Variants in DNAJC1 observed in about 807,000 individuals in gnomAD.
DNAJC1 encodes the protein dnaJ homolog subfamily C member 1.
In DNAJC1, 58 loss-of-function variants were observed where a neutral mutation model predicts 76.6. The ratio of observed to expected loss-of-function variants is 0.76; its 90% CI spans 0.61 to 0.94. DNAJC1 has a LOEUF of 0.94. DNAJC1 is among the 40% of genes least tolerant of loss of function. The probability of loss-of-function intolerance (pLI) is 0.00; values close to 1 mark genes in which losing one functional copy is unlikely to be tolerated. For synonymous variants in DNAJC1, 258 were observed against 267.9 expected (o/e 0.96, Z 0.36); for missense variants, 689 against 677.3 (o/e 1.02, Z -0.19).
At chr10:21,795,256 T>C (rs1037289474) in intron 9 of DNAJC1, among the ~76,000 whole-genome samples, 1 of 152,188 alleles carries the variant, frequency 6.6e-6, no homozygotes, top group African/African-American at 2.4e-5. Flanking sequence ...AAATGACCAA[T>C]TAGTATAGAA....
chr10:21,803,467 T>C (rs1230104636), intron 9 of DNAJC1, among the ~76,000 whole-genome samples: 1 of 152,144 alleles, frequency 6.6e-6, no homozygotes, highest in Non-Finnish European at 1.5e-5. Context: ...TAACTTTCAC[T>C]TAACATTATA....
intron 8 of DNAJC1, among the ~76,000 whole-genome samples, chr10:21,830,481 CTTTGT>C (rs1424687742): frequency 6.6e-6 from 1 of 151,658 alleles, no homozygotes; most frequent in African/African-American, 2.4e-5. Context: ...ACTGGCGTTC[CTTTGT>C]TTTCTCTCTG....
At chr10:21,757,999 A>G (rs991233914) in intron 11 of DNAJC1, among the ~76,000 whole-genome samples, 3 of 152,236 alleles carry the variant, frequency 2.0e-5, no homozygotes, top group Non-Finnish European at 4.4e-5. Flanking sequence ...GACAGATGCT[A>G]GAGAAATTCG....
At position 21,809,997 on chromosome 10, in the gene DNAJC1, T is replaced by C. The variant is rs548759003; in HGVS notation, c.979-3898A>G. On this transcript the variant is annotated intron_variant, in intron 8 of 11. Coordinates refer to ENST00000376980, the MANE Select transcript of DNAJC1 (RefSeq NM_022365.4). ...GGAATGGGGGAGTCTGTTGTCTCTC[T>C]TCCTCTTCTTTTAAGAATACCAATA... Among the ~76,000 whole-genome samples the C allele has an allele frequency of 2.8e-4, 42 of 152,096 alleles. No individual in the cohort carries two copies. The South Asian group carries it at 8.1e-3, about 29-fold the overall frequency.
At chr10:21,878,081 C>A (rs1370023550) in intron 8 of DNAJC1, among the ~76,000 whole-genome samples, 3 of 152,118 alleles carry the variant, frequency 2.0e-5, no homozygotes, top group African/African-American at 7.2e-5. Flanking sequence ...ACTTATAAAG[C>A]AATTCAATTT....
intron 9 of DNAJC1, among the ~76,000 whole-genome samples, chr10:21,777,496 G>A (rs746171484): frequency 1.6e-4 from 24 of 152,134 alleles, no homozygotes; most frequent in Non-Finnish European, 2.2e-4. Context: ...AATCACTTAG[G>A]AGCATAGCCA....
chr10:21,953,504 C>T (rs1474282306), intron 1 of DNAJC1, among the ~76,000 whole-genome samples: 1 of 151,378 alleles, frequency 6.6e-6, no homozygotes, highest in Non-Finnish European at 1.5e-5. Flanking sequence ...AATAAATTCA[C>T]CCTTAAATAT....
chr10:21,818,508 C>A (rs530233164), intron 8 of DNAJC1, among the ~76,000 whole-genome samples: 3 of 152,246 alleles, frequency 2.0e-5, no homozygotes, highest in African/African-American at 4.8e-5. Flanking sequence ...ACCTCTGTGA[C>A]CCACACCCTT....
rs116373096 is a variant in DNAJC1 at position 21,901,040 on chromosome 10, C to T, written c.820+3482G>A. On this transcript the variant is annotated intron_variant, in intron 7 of 11. Coordinates refer to ENST00000376980, the MANE Select transcript of DNAJC1 (RefSeq NM_022365.4). Reference sequence around the variant, plus strand: ...CACATTCTGTCCCCCCACTTTCTCGCTAAGTGCTTCATCCTACAGGGTGTG... The same window carrying T: ...CACATTCTGTCCCCCCACTTTCTCGTTAAGTGCTTCATCCTACAGGGTGTG... 3.9e-3 allele frequency among the ~76,000 whole-genome samples: 591 copies of T among 152,298 alleles called. 5 individuals are homozygous for T. Among genetic ancestry groups the T allele is most frequent in the African/African-American group, 0.013 (559 of 41,558 alleles).
intron 1 of DNAJC1, among the ~76,000 whole-genome samples, chr10:21,995,006 C>A (rs1838393113): frequency 6.6e-6 from 1 of 150,466 alleles, no homozygotes; most frequent in Non-Finnish European, 1.5e-5. Context: ...CAATACAAAG[C>A]ACCACTTTAA....
At chr10:21,795,189 A>C (rs969174269) in intron 9 of DNAJC1, among the ~76,000 whole-genome samples, 2 of 152,216 alleles carry the variant, frequency 1.3e-5, no homozygotes, top group African/African-American at 2.4e-5. Context: ...AATAAGTACT[A>C]TACAGATTAA....
chr10:21,819,021 T>C (rs560624673), intron 8 of DNAJC1, among the ~76,000 whole-genome samples: 76 of 152,316 alleles, frequency 5.0e-4, no homozygotes, highest in Admixed American at 3.0e-3. Context: ...CAAAATCGTA[T>C]TTAAGGACTA....
intron 1 of DNAJC1, among the ~76,000 whole-genome samples, chr10:21,991,580 C>CA (rs1436404912): frequency 6.6e-6 from 1 of 152,092 alleles, no homozygotes; most frequent in African/African-American, 2.4e-5. Flanking sequence ...ACGAAAACTA[C>CA]AAACTATGTC....
chr10:21,907,406 C>A (rs1035857295), intron 6 of DNAJC1, among the ~76,000 whole-genome samples: 2 of 151,932 alleles, frequency 1.3e-5, no homozygotes, highest in African/African-American at 4.8e-5. Context: ...TGAACTCAAG[C>A]AATTCTACTT....
At chr10:21,833,409 T>C (rs1488984412) in intron 8 of DNAJC1, among the ~76,000 whole-genome samples, 2 of 152,158 alleles carry the variant, frequency 1.3e-5, no homozygotes, top group Non-Finnish European at 2.9e-5. Context: ...AGGCGGAGGT[T>C]GCAGTGAGCC....
chr10:21,997,630 C>T (rs1300375565), intron 1 of DNAJC1, among the ~76,000 whole-genome samples: 3 of 152,158 alleles, frequency 2.0e-5, no homozygotes, highest in Non-Finnish European at 2.9e-5. Flanking sequence ...AGGGAAGTTC[C>T]TCCCAACCAT....
Position 21,920,855 on chromosome 10 carries a change from A to C in DNAJC1, c.480T>G (p.Ile160Met). Residue 160 changes from isoleucine (I) to methionine (M), a missense_variant, in exon 4 of 12, where the codon ATT (isoleucine) becomes ATG (methionine). Transcript: ENST00000376980. ...CAGCATAATGACCCACTGTGAGAAT[A>C]ATGAACAAGAGTAATGCCAGCTCAG... ...SNAELALLLF[I>M]ILTVGHYAVV... The C allele has an allele frequency of 1.9e-6, 3 of 1,613,124 alleles. No individual in the cohort carries two copies. Among genetic ancestry groups the C allele is most frequent in the Non-Finnish European group, 2.5e-6 (3 of 1,179,324 alleles).
intron 1 of DNAJC1, among the ~76,000 whole-genome samples, chr10:21,955,165 G>A (rs914151618): frequency 6.6e-6 from 1 of 152,120 alleles, no homozygotes; most frequent in African/African-American, 2.4e-5. Flanking sequence ...CAGAATCACT[G>A]ATATAAAATA....
intron 8 of DNAJC1, among the ~76,000 whole-genome samples, chr10:21,843,033 G>A (rs1354579867): frequency 2.6e-5 from 4 of 152,064 alleles, no homozygotes; most frequent in East Asian, 1.9e-4. Context: ...AAAGAGTATC[G>A]ATATTGAATA....
Sources: gnomAD v4.1 joint callset for allele counts (sites outside exome capture counted in the v4.1 genomes callset) on GRCh38, gnomAD v4.1.1 for gene constraint, MANE v1.5 for transcripts, NCBI Gene and HGNC (gene_info 2026-07-23, HGNC 2026-07-21) for gene names.